The following THSD7A variants were observed in gnomAD, a reference collection of about 807,000 sequenced individuals.
THSD7A encodes the protein thrombospondin type 1 domain containing 7A, also known as thrombospondin type-1 domain-containing protein 7A.
THSD7A carries 96 observed loss-of-function variants against 231.3 expected under a neutral mutation model. The ratio of observed to expected loss-of-function variants is 0.41; its 90% CI spans 0.35 to 0.49. The LOEUF (loss-of-function observed/expected upper bound fraction) is 0.49. THSD7A is among the 20% of genes least tolerant of loss of function. THSD7A has a pLI of 0.05. For missense variants in THSD7A, 2,290 were observed against 2,070.2 expected (o/e 1.11, Z -2.06); for synonymous variants, 940 against 743.3 (o/e 1.26, Z -4.30).
chr7:11,746,818 C>G (rs190762222), intron 1 of THSD7A, among the ~76,000 whole-genome samples: 4 of 151,722 alleles, frequency 2.6e-5, no homozygotes, highest in Non-Finnish European at 5.9e-5. Flanking sequence ...CTAGAGGGTG[C>G]GTTAAACTGT....
chr7:11,486,591 C>T (rs1036416935), intron 6 of THSD7A, among the ~76,000 whole-genome samples: 1 of 106,904 alleles, frequency 9.4e-6, no homozygotes, highest in Non-Finnish European at 1.9e-5. Context: ...AGGTATGAAC[C>T]AACGCAACTT....
chr7:11,430,059 A>G (rs1583725104), intron 13 of THSD7A, among the ~76,000 whole-genome samples: 1 of 152,336 alleles, frequency 6.6e-6, no homozygotes, highest in East Asian at 1.9e-4. Flanking sequence ...GTTGTCCTCT[A>G]TAATAGTCTG....
chr7:11,669,466 T>A (rs949995629), intron 1 of THSD7A, among the ~76,000 whole-genome samples: 5 of 152,020 alleles, frequency 3.3e-5, no homozygotes, highest in African/African-American at 1.2e-4. Flanking sequence ...CCAGATACTC[T>A]GCAGGGTGAA....
At chr7:11,463,982 C>G (rs948950715) in intron 9 of THSD7A, among the ~76,000 whole-genome samples, 5 of 152,104 alleles carry the variant, frequency 3.3e-5, no homozygotes, top group African/African-American at 4.8e-5. Flanking sequence ...TTGCTTTGGT[C>G]ACCAGAATCT....
chr7:11,788,822 T>C (rs1171000218), intron 1 of THSD7A, among the ~76,000 whole-genome samples: 1 of 152,010 alleles, frequency 6.6e-6, no homozygotes, highest in Non-Finnish European at 1.5e-5. Context: ...GAGGTTTAAA[T>C]GAATTAATAC....
chr7:11,584,671 A>C (rs1371853744), intron 4 of THSD7A, among the ~76,000 whole-genome samples: 1 of 152,220 alleles, frequency 6.6e-6, no homozygotes, highest in Non-Finnish European at 1.5e-5. Flanking sequence ...AATAGCCTTA[A>C]GATGAGAAGT....
chr7:11,490,481 C>A (rs375571458), intron 6 of THSD7A, among the ~76,000 whole-genome samples: 4 of 152,036 alleles, frequency 2.6e-5, no homozygotes, highest in East Asian at 3.8e-4. Context: ...TATGTGTGTA[C>A]TCTGTAAGCT....
chr7:11,598,972 T>G (rs900104338), intron 2 of THSD7A, among the ~76,000 whole-genome samples: 1 of 152,170 alleles, frequency 6.6e-6, no homozygotes, highest in African/African-American at 2.4e-5. Flanking sequence ...GGAGTTACAG[T>G]GTTGGCTGGG....
chr7:11,730,921 A>G (rs1179343955), intron 1 of THSD7A, among the ~76,000 whole-genome samples: 3 of 151,674 alleles, frequency 2.0e-5, no homozygotes, highest in African/African-American at 7.2e-5. Flanking sequence ...CCGCTATGAC[A>G]ACTTTCAATT....
intron 2 of THSD7A, among the ~76,000 whole-genome samples, chr7:11,621,319 C>T (rs187310892): frequency 5.9e-5 from 9 of 152,238 alleles, no homozygotes; most frequent in Non-Finnish European, 1.0e-4. Flanking sequence ...ATCCCAGTCA[C>T]GACATATCAT....
chr7:11,512,366 A>C (rs1316417369), intron 6 of THSD7A, among the ~76,000 whole-genome samples: 1 of 152,148 alleles, frequency 6.6e-6, no homozygotes, highest in Non-Finnish European at 1.5e-5. Context: ...CCATTGTGGA[A>C]GTCAGTGTGG....
chr7:11,798,450 G>C (rs560445831), intron 1 of THSD7A, among the ~76,000 whole-genome samples: 2 of 150,252 alleles, frequency 1.3e-5, no homozygotes, highest in Non-Finnish European at 3.0e-5. Context: ...TAGCCTGGGC[G>C]ACAGAGTGAG....
At position 11,373,620 on chromosome 7, in the gene THSD7A, G is replaced by A. The variant is rs574986095; in HGVS notation, c.*2174C>T. 10 of 151,982 alleles carry A rather than the reference G, an allele frequency of 6.6e-5. No homozygotes were observed. In the East Asian group the frequency reaches 1.9e-3, roughly 29 times the overall value. The allele number at this position is 151,982 out of a possible 1,614,324, so 9.4% of individuals were successfully genotyped here. A position where few individuals can be genotyped will look rare whatever the true frequency, so the allele number is the denominator to read the frequency against. ...ATAGTGAATATTGAATGAGGAATTAGCGCTTACTGCATTTAGTTCTTATTG... is the reference window on the plus strand; with the variant it reads ...ATAGTGAATATTGAATGAGGAATTAACGCTTACTGCATTTAGTTCTTATTG... On this transcript the variant is annotated 3_prime_UTR_variant, in exon 28 of 28. Transcript: ENST00000423059.
intron 1 of THSD7A, among the ~76,000 whole-genome samples, chr7:11,816,435 A>G (rs1283818272): frequency 1.3e-5 from 2 of 152,202 alleles, no homozygotes; most frequent in Non-Finnish European, 2.9e-5. Context: ...ACTATTCACA[A>G]GTAATGTTTT....
intron 4 of THSD7A, among the ~76,000 whole-genome samples, chr7:11,587,216 C>T (rs1040889238): frequency 6.6e-6 from 1 of 152,138 alleles, no homozygotes. Flanking sequence ...AGATAACCTC[C>T]CCACAGGCAA....
intron 1 of THSD7A, among the ~76,000 whole-genome samples, chr7:11,795,759 C>A (rs1583297625): frequency 6.6e-6 from 1 of 151,478 alleles, no homozygotes; most frequent in East Asian, 2.0e-4. Context: ...GGTGAGTGTT[C>A]AATGAGCTGC....
chr7:11,735,778 A>G (rs1781894820), intron 1 of THSD7A, among the ~76,000 whole-genome samples: 1 of 151,974 alleles, frequency 6.6e-6, no homozygotes, highest in African/African-American at 2.4e-5. Flanking sequence ...TGGGTAGATA[A>G]TGGCAAGTTT....
At chr7:11,437,205 C>T (rs1784661038) in intron 13 of THSD7A, among the ~76,000 whole-genome samples, 1 of 152,066 alleles carries the variant, frequency 6.6e-6, no homozygotes, top group African/African-American at 2.4e-5. Flanking sequence ...GGTGTCGGAA[C>T]ATGAACTAAA....
chr7:11,704,477 C>T (rs1284933380), intron 1 of THSD7A, among the ~76,000 whole-genome samples: 1 of 150,618 alleles, frequency 6.6e-6, no homozygotes, highest in Non-Finnish European at 1.5e-5. Flanking sequence ...CAGTATCTCT[C>T]CTATTGAATT....
Sources: gnomAD v4.1 joint callset for allele counts (sites outside exome capture counted in the v4.1 genomes callset) on GRCh38, gnomAD v4.1.1 for gene constraint, MANE v1.5 for transcripts, NCBI Gene and HGNC (gene_info 2026-07-23, HGNC 2026-07-21) for gene names.